Variants in DTX1 observed in about 807,000 individuals in gnomAD.
DTX1 encodes deltex E3 ubiquitin ligase 1.
DTX1 carries 26 observed loss-of-function variants against 57.8 expected under a neutral mutation model. The observed-to-expected ratio is 0.45, with a 90% CI of 0.33 to 0.62. The LOEUF is 0.62. Among genes scored for constraint, DTX1 ranks in the 20% least tolerant of loss-of-function variants. The probability of loss-of-function intolerance (pLI) is 0.02; values close to 1 mark genes in which losing one functional copy is unlikely to be tolerated. For missense variants in DTX1, 704 were observed against 895.3 expected, an observed-to-expected ratio of 0.79 and a Z score of 2.73; for synonymous variants, 398 against 394.1, an observed-to-expected ratio of 1.01 and a Z score of -0.12.
intron 2 of DTX1, among the ~76,000 whole-genome samples, chr12:113,067,510 G>A (rs998479626): frequency 5.9e-5 from 9 of 152,326 alleles, no homozygotes; most frequent in African/African-American, 2.2e-4. Flanking sequence ...TACAGGGCCT[G>A]GGCAACTAAT....
In DTX1 at chr12:113,097,175, C is replaced by G. The variant is rs1341066225; in HGVS notation, c.*236C>G. 2 of 545,034 alleles carry G rather than the reference C, an allele frequency of 3.7e-6. No individual in the cohort carries two copies. The highest frequency in any genetic ancestry group is 4.8e-4 in the Middle Eastern group (1 of 2,088). 33.8% of individuals were successfully genotyped at this position (545,034 alleles called of 1,614,324 possible). On this transcript the variant is annotated 3_prime_UTR_variant, in exon 10 of 10. Transcript: ENST00000548759. ...GCAGAGAGTACTGGAAACCTCCCTACCAAAAAGACAGAGACCCGCCCCCTC... is the reference window on the plus strand; with the variant it reads ...GCAGAGAGTACTGGAAACCTCCCTAGCAAAAAGACAGAGACCCGCCCCCTC...
At chr12:113,090,411 C>T (rs114093182) in intron 3 of DTX1, among the ~76,000 whole-genome samples, 2,850 of 152,276 alleles carry the variant, frequency 0.019, 43 homozygotes, top group African/African-American at 0.039. Context: ...GGGGCCCCCC[C>T]GCAGGGTGCC....
intron 2 of DTX1, among the ~76,000 whole-genome samples, chr12:113,064,475 G>T (rs1196263889): frequency 6.6e-6 from 1 of 152,198 alleles, no homozygotes; most frequent in East Asian, 1.9e-4. Flanking sequence ...ATCCATTTCA[G>T]AGTCTAATCT....
At chr12:113,094,656 C>T in intron 6 of DTX1, 133 bp from the exon 7 acceptor site, 1 of 1,063,776 alleles carries the variant, frequency 9.4e-7, no homozygotes, top group South Asian at 1.6e-5. Context: ...GAGGGTGTGT[C>T]CTGTCTCCCT....
chr12:113,061,836 C>CA, intron 2 of DTX1, among the ~76,000 whole-genome samples: 1 of 152,062 alleles, frequency 6.6e-6, no homozygotes, highest in Middle Eastern at 3.4e-3. Flanking sequence ...AAGTAGCTGG[C>CA]ATTACAGGCA....
Position 113,077,385 on chromosome 12 carries a change from G to C in DTX1, c.260-39G>C. ...CGCCCTTCCAGCCGCGCAGACCAAC[G>C]CCCGCTGTGCTGACGCCTCCTCCCC... On this transcript the variant is annotated intron_variant, in intron 2 of 9. Transcript: ENST00000548759. The surrounding 1 kb of genome is among the most constrained non-coding windows in gnomAD (Gnocchi z 7.8). The C allele has an allele frequency of 7.1e-7, 1 of 1,411,992 alleles. No individual in the cohort carries two copies. The highest frequency in any genetic ancestry group is 9.4e-7 in the Non-Finnish European group (1 of 1,068,552). 87.5% of individuals were successfully genotyped at this position (1,411,992 alleles called of 1,614,324 possible). A position where few individuals can be genotyped will look rare whatever the true frequency, so the allele number is the denominator to read the frequency against.
chr12:113,087,423 G>A (rs2044869486), intron 3 of DTX1, among the ~76,000 whole-genome samples: 2 of 152,136 alleles, frequency 1.3e-5, no homozygotes, highest in Admixed American at 6.5e-5. Flanking sequence ...GGCTTGCAGC[G>A]ATGTCCTTCA....
chr12:113,077,438 G>T lies in DTX1; in HGVS notation c.274G>T (p.Val92Leu). The T allele has an allele frequency of 1.2e-6, 2 of 1,607,984 alleles. No homozygotes were observed. The change falls in exon 3 of 10, where the codon GTG becomes TTG. Residue 92 changes from valine to leucine, a missense_variant. Val to Leu is a conservative substitution (Grantham distance 32, BLOSUM62 1). Around this residue, in one of 3 missense-constraint regions of DTX1, gnomAD observed 237 missense variants for 328.6 expected, o/e 0.72. Transcript: ENST00000548759. This position sits in a 1 kb window ranked among gnomAD's most constrained non-coding sequence, Gnocchi z 7.8. ...FRQDTGTMRP[V>L]RRNFYDPSSA... ...TTCGAGTACAGGCACCATGCGGCCC[G>T]TGCGGCGCAACTTCTACGACCCGTC...
intron 3 of DTX1, among the ~76,000 whole-genome samples, chr12:113,086,755 T>G (rs1052636275): frequency 6.6e-6 from 1 of 152,094 alleles, no homozygotes; most frequent in African/African-American, 2.4e-5. Flanking sequence ...ATTTCAGGGG[T>G]TTGAAAATGT....
chr12:113,078,460 A>G (rs1376709449), intron 3 of DTX1, among the ~76,000 whole-genome samples: 2 of 152,192 alleles, frequency 1.3e-5, no homozygotes, highest in South Asian at 4.1e-4. Flanking sequence ...TAAACCCGTT[A>G]TATGTATCAC....
chr12:113,063,294 C>A (rs1284218011), intron 2 of DTX1, among the ~76,000 whole-genome samples: 1 of 152,226 alleles, frequency 6.6e-6, no homozygotes, highest in African/African-American at 2.4e-5. Flanking sequence ...TGGCTTTCTG[C>A]TCCCAGAGAA....
At chr12:113,082,102 T>A (rs2044822431) in intron 3 of DTX1, among the ~76,000 whole-genome samples, 1 of 152,156 alleles carries the variant, frequency 6.6e-6, no homozygotes, top group Non-Finnish European at 1.5e-5. Flanking sequence ...GCCGACATCA[T>A]TTCTCCTGCC....
intron 2 of DTX1, among the ~76,000 whole-genome samples, chr12:113,063,562 C>A (rs11835093): frequency 0.3 from 46,284 of 152,248 alleles, 7,509 homozygotes; most frequent in Middle Eastern, 0.46. Context: ...CCTCCTGCCC[C>A]TTCTGCTGAT....
intron 9 of DTX1, among the ~76,000 whole-genome samples, chr12:113,095,978 C>T (rs796743490): frequency 2.6e-5 from 4 of 152,068 alleles, no homozygotes; most frequent in Admixed American, 6.6e-5. Flanking sequence ...GAGGCTAAGG[C>T]GGGCAGATCA....
At chr12:113,061,270 C>A (rs1347723059) in intron 2 of DTX1, among the ~76,000 whole-genome samples, 1 of 152,176 alleles carries the variant, frequency 6.6e-6, no homozygotes, top group African/African-American at 2.4e-5. Context: ...CCCTCCCACC[C>A]CAACCAGAGA....
At position 113,057,984 on chromosome 12, in the gene DTX1, T is replaced by A. The variant is rs2136420424; in HGVS notation, c.-209T>A. The A allele has an allele frequency of 1.4e-6, 1 of 737,474 alleles. No homozygotes were observed. Among genetic ancestry groups the A allele is most frequent in the African/African-American group, 1.8e-5 (1 of 56,440 alleles). The allele number at this position is 737,474 out of a possible 1,614,324, so 45.7% of individuals were successfully genotyped here. A position where few individuals can be genotyped will look rare whatever the true frequency, so the allele number is the denominator to read the frequency against. On this transcript the variant is annotated 5_prime_UTR_variant, in exon 2 of 10. Transcript: ENST00000548759. ...CAGCACCCTTTATCGGAGAAGGCTC[T>A]ACAGGGAAGGGGTCTTTGCAGCCTG...
rs1950260868 is a variant in DTX1 at position 113,093,338 on chromosome 12, G to T, written c.1003+115G>T. The T allele has an allele frequency of 2.9e-6, 4 of 1,384,126 alleles. No homozygotes were observed. Among genetic ancestry groups the T allele is most frequent in the Admixed American group, 2.4e-5 (1 of 41,530 alleles). 85.7% of individuals were successfully genotyped at this position (1,384,126 alleles called of 1,614,324 possible). On this transcript the variant is annotated intron_variant, in intron 4 of 9. Coordinates refer to ENST00000548759, the MANE Select transcript of DTX1 (RefSeq NM_004416.3). The surrounding 1 kb of genome is among the most constrained non-coding windows in gnomAD (Gnocchi z 4.2). ...CTGGTGAGCGTGGCCCGGAGGAAAC[G>T]CCCCCTTCCACTGGGCCCAGGACAC...
intron 3 of DTX1, among the ~76,000 whole-genome samples, chr12:113,088,352 T>C (rs1834707450): frequency 6.6e-6 from 1 of 152,186 alleles, no homozygotes; most frequent in Non-Finnish European, 1.5e-5. Flanking sequence ...TGATTAGTAA[T>C]GCCTGCTGTG....
Position 113,093,452 on chromosome 12 carries a change from C to T in DTX1, c.1004-87C>T. The T allele has an allele frequency of 1.7e-6, 2 of 1,153,918 alleles. No individual in the cohort carries two copies. Among genetic ancestry groups the T allele is most frequent in the African/African-American group, 1.6e-5 (1 of 63,626 alleles). 71.5% of individuals were successfully genotyped at this position (1,153,918 alleles called of 1,614,324 possible). A position where few individuals can be genotyped will look rare whatever the true frequency, so the allele number is the denominator to read the frequency against. On this transcript the variant is annotated intron_variant, in intron 4 of 9. Coordinates refer to ENST00000548759, the MANE Select transcript of DTX1 (RefSeq NM_004416.3). This position sits in a 1 kb window ranked among gnomAD's most constrained non-coding sequence, Gnocchi z 4.2. The stretch of plus-strand genomic sequence containing the variant: ...CAAGAGCGCAACCCTCCCACCCACC[C>T]GAGGGCCCCGGGATTCCCAGGGCCA...
Sources: gnomAD v4.1 joint callset for allele counts (sites outside exome capture counted in the v4.1 genomes callset) on GRCh38, gnomAD v4.1.1 for gene constraint, gnomAD v4.1.1 regional missense constraint, Gnocchi (gnomAD v3.1) non-coding constraint, MANE v1.5 for transcripts, NCBI Gene and HGNC (gene_info 2026-07-23, HGNC 2026-07-21) for gene names.